Variants in COBLL1 observed in about 807,000 individuals in gnomAD.
COBLL1 encodes cordon-bleu protein-like 1.
Under a neutral mutation model 94.8 loss-of-function variants are expected in COBLL1, and 50 were observed. That is an observed-to-expected ratio of 0.53 (90% CI 0.42 to 0.67). COBLL1 has a LOEUF of 0.67. Ranked by LOEUF, COBLL1 falls within the 30% of genes least tolerant of loss-of-function variation. COBLL1 has a pLI of 0.00. For synonymous variants in COBLL1, 448 were observed against 473.8 expected, an observed-to-expected ratio of 0.95 and a Z score of 0.71; for missense variants, 1,362 against 1,348.7, an observed-to-expected ratio of 1.01 and a Z score of -0.15.
In COBLL1 at chr2:164,841,250, G is replaced by C. The variant is rs1299675253; in HGVS notation, c.-50-4C>G. On this transcript the variant is annotated splice_polypyrimidine_tract_variant and splice_region_variant and intron_variant, in intron 1 of 13. Transcript: ENST00000652658. This position sits in a 1 kb window ranked among gnomAD's most constrained non-coding sequence, Gnocchi z 5.5. The stretch of plus-strand genomic sequence containing the variant: ...GCTCCCAGGCGGCGCGTCACTGCTG[G>C]GGTGGGAGAGGCCGGCGGGTCAGGG... The C allele has an allele frequency of 2.0e-5, 24 of 1,225,620 alleles. No individual in the cohort carries two copies. The highest frequency in any genetic ancestry group is 2.2e-5 in the Non-Finnish European group (22 of 984,222). 75.9% of individuals were successfully genotyped at this position (1,225,620 alleles called of 1,614,324 possible).
chr2:164,764,886 T>G (rs1220279277), intron 2 of COBLL1, among the ~76,000 whole-genome samples: 1 of 152,128 alleles, frequency 6.6e-6, no homozygotes, highest in Non-Finnish European at 1.5e-5. Context: ...CCCTGAAAAT[T>G]TAGGGAAAGA....
Position 164,777,495 on chromosome 2 carries a change from C to T in COBLL1, c.42-33620G>A, listed in dbSNP as rs556943974. 7.2e-5 allele frequency among the ~76,000 whole-genome samples: 11 copies of T among 152,236 alleles called. No homozygotes were observed. In the South Asian group the frequency reaches 8.3e-4, roughly 11 times the overall value. On this transcript the variant is annotated intron_variant, in intron 2 of 13. Transcript: ENST00000652658. ...AACGTTTTGTATATGCACCTATGCACCTGAGGATTCCAGGCAGCATTAAGG... is the reference window on the plus strand; with the variant it reads ...AACGTTTTGTATATGCACCTATGCATCTGAGGATTCCAGGCAGCATTAAGG...
rs2105432199 is a variant in COBLL1, at chr2:164,695,490, T to G, written c.1902A>C (p.Ser634=). ...DSKVEECVQT[S]NNNISTQHSC... ...AGTGTTGAGTTGATATGTTGTTATTTGAAGTTTGCACACATTCTTCAACTT... is the reference window on the plus strand; with the variant it reads ...AGTGTTGAGTTGATATGTTGTTATTGGAAGTTTGCACACATTCTTCAACTT... The change falls in exon 12 of 14, where the codon TCA becomes TCC. Residue 634 remains serine, a synonymous_variant. Coordinates refer to ENST00000652658, the MANE Select transcript of COBLL1 (RefSeq NM_001365672.2). The G allele has an allele frequency of 1.2e-6, 2 of 1,614,008 alleles. No homozygotes were observed. The highest frequency in any genetic ancestry group is 4.5e-5 in the East Asian group (2 of 44,862).
rs1042568728 is a variant in COBLL1 at position 164,681,666 on chromosome 2, T to C, written c.*4280A>G. The C allele has an allele frequency of 1.3e-5, 2 of 152,194 alleles. No individual in the cohort carries two copies. The highest frequency in any genetic ancestry group is 1.3e-4 in the Admixed American group (2 of 15,270). 9.4% of individuals were successfully genotyped at this position (152,194 alleles called of 1,614,324 possible). A position where few individuals can be genotyped will look rare whatever the true frequency, so the allele number is the denominator to read the frequency against. Reference sequence around the variant, plus strand: ...CTATCGCAAGGCGTGGGCTGGAAACTAAGAATAAACTGGGGAGCAAAAAAG... The same window carrying C: ...CTATCGCAAGGCGTGGGCTGGAAACCAAGAATAAACTGGGGAGCAAAAAAG... On this transcript the variant is annotated 3_prime_UTR_variant, in exon 14 of 14. Transcript: ENST00000652658.
chr2:164,669,766 T>A (rs1022084354), intron 1 of COBLL1, among the ~76,000 whole-genome samples: 3 of 152,268 alleles, frequency 2.0e-5, no homozygotes, highest in Non-Finnish European at 2.9e-5. Context: ...AATTTGCATG[T>A]GGCTTAAACT....
Position 164,700,503 on chromosome 2 carries a change from C to T in COBLL1, c.1460+19G>A. ...ATTAAACTAACGGCCACCAACACTC[C>T]AGCACAGAGACTACTTACTGTCCAT... On this transcript the variant is annotated intron_variant, in intron 10 of 13. Coordinates refer to ENST00000652658, the MANE Select transcript of COBLL1 (RefSeq NM_001365672.2). The T allele has an allele frequency of 1.3e-6, 2 of 1,498,740 alleles. No homozygotes were observed. The highest frequency in any genetic ancestry group is 1.4e-5 in the African/African-American group (1 of 72,360). 92.8% of individuals were successfully genotyped at this position (1,498,740 alleles called of 1,614,324 possible). A position where few individuals can be genotyped will look rare whatever the true frequency, so the allele number is the denominator to read the frequency against.
At position 164,785,430 on chromosome 2, in the gene COBLL1, G is replaced by A. The variant is rs186845448; in HGVS notation, c.42-41555C>T. On this transcript the variant is annotated intron_variant, in intron 2 of 13. Transcript: ENST00000652658. Reference sequence around the variant, plus strand: ...CACACAAATGGACTATACCAGAAGGGTGCTCTGGACATTCACAAGAAACTT... The same window carrying A: ...CACACAAATGGACTATACCAGAAGGATGCTCTGGACATTCACAAGAAACTT... Among the ~76,000 whole-genome samples, 395 of 152,262 alleles carry A rather than the reference G, an allele frequency of 2.6e-3. 2 individuals carry two copies. Among genetic ancestry groups the A allele is most frequent in the African/African-American group, 9.2e-3 (382 of 41,550 alleles).
intron 13 of COBLL1, among the ~76,000 whole-genome samples, chr2:164,686,597 GT>G (rs572839437): frequency 1.3e-3 from 182 of 144,468 alleles, no homozygotes; most frequent in South Asian, 3.5e-3. Flanking sequence ...CTGAAAAGGA[GT>G]TTTTTTTTTT....
chr2:164,699,884 G>A (rs570340912), intron 10 of COBLL1, among the ~76,000 whole-genome samples: 2 of 152,124 alleles, frequency 1.3e-5, no homozygotes, highest in South Asian at 4.1e-4. Context: ...AATGTAGATT[G>A]ACCTCACTGA....
chr2:164,839,420 TG>T (rs1460842174), intron 2 of COBLL1, among the ~76,000 whole-genome samples: 1 of 152,214 alleles, frequency 6.6e-6, no homozygotes, highest in African/African-American at 2.4e-5. Context: ...AGCAAGACCT[TG>T]TCTCTACATT....
At chr2:164,769,054 C>T (rs1328992608) in intron 2 of COBLL1, among the ~76,000 whole-genome samples, 1 of 152,032 alleles carries the variant, frequency 6.6e-6, no homozygotes, top group African/African-American at 2.4e-5. Flanking sequence ...CTTGAAGCAT[C>T]TAGAATATTT....
intron 2 of COBLL1, among the ~76,000 whole-genome samples, chr2:164,776,436 G>A (rs1394801239): frequency 1.3e-5 from 2 of 151,944 alleles, no homozygotes; most frequent in African/African-American, 4.8e-5. Flanking sequence ...CCTTGGACCT[G>A]GAATGCTTTT....
At chr2:164,664,481 GA>G (rs1453397131) in intron 2 of COBLL1, among the ~76,000 whole-genome samples, 4 of 152,264 alleles carry the variant, frequency 2.6e-5, no homozygotes, top group Non-Finnish European at 4.4e-5. Context: ...ACTTGGGAAA[GA>G]AAGTATTTCC....
chr2:164,822,995 T>C (rs980334490), intron 2 of COBLL1, among the ~76,000 whole-genome samples: 4 of 151,958 alleles, frequency 2.6e-5, no homozygotes, highest in Admixed American at 2.6e-4. Flanking sequence ...TGAAAAGTTT[T>C]ATTAAGACAT....
intron 2 of COBLL1, among the ~76,000 whole-genome samples, chr2:164,814,198 TC>T (rs2105344994): frequency 6.6e-6 from 1 of 152,246 alleles, no homozygotes; most frequent in East Asian, 1.9e-4. Flanking sequence ...TCTCTTTGGT[TC>T]CCCTCTACCC....
chr2:164,747,108 T>G (rs560162621), intron 2 of COBLL1, among the ~76,000 whole-genome samples: 2 of 152,234 alleles, frequency 1.3e-5, no homozygotes, highest in South Asian at 4.1e-4. Context: ...ATGCACTACC[T>G]AAGCCTAAAA....
chr2:164,813,418 A>G (rs1344682697), intron 2 of COBLL1, among the ~76,000 whole-genome samples: 1 of 152,116 alleles, frequency 6.6e-6, no homozygotes, highest in Non-Finnish European at 1.5e-5. Context: ...TTTTACCTTG[A>G]ATCATGGTTG....
chr2:164,740,235 C>T (rs1381705912), intron 3 of COBLL1, among the ~76,000 whole-genome samples: 3 of 152,022 alleles, frequency 2.0e-5, no homozygotes, highest in South Asian at 2.1e-4. Context: ...TGGTAGCACA[C>T]GCCTGTGGTC....
At chr2:164,817,033 A>C (rs1048127847) in intron 2 of COBLL1, among the ~76,000 whole-genome samples, 26 of 152,146 alleles carry the variant, frequency 1.7e-4, no homozygotes, top group African/African-American at 6.0e-4. Context: ...AGCTATATGA[A>C]CTGAAGTTAA....
Sources: gnomAD v4.1 joint callset for allele counts (sites outside exome capture counted in the v4.1 genomes callset) on GRCh38, gnomAD v4.1.1 for gene constraint, Gnocchi (gnomAD v3.1) non-coding constraint, MANE v1.5 for transcripts, NCBI Gene and HGNC (gene_info 2026-07-23, HGNC 2026-07-21) for gene names.